Variants in WASL observed in about 807,000 individuals in gnomAD.
WASL encodes the protein actin nucleation-promoting factor WASL.
In WASL, 20 loss-of-function variants were observed where a neutral mutation model predicts 55.5. That is an observed-to-expected ratio of 0.36 (90% CI 0.25 to 0.52). The LOEUF is 0.52. Ranked by LOEUF, WASL falls within the 20% of genes least tolerant of loss-of-function variation. The pLI, the probability that WASL is intolerant of heterozygous loss-of-function variation, is 0.92. For missense variants in WASL, 504 were observed against 622.5 expected, an observed-to-expected ratio of 0.81 and a Z score of 2.03; for synonymous variants, 249 against 217.6, an observed-to-expected ratio of 1.14 and a Z score of -1.27.
intron 1 of WASL, among the ~76,000 whole-genome samples, chr7:123,713,634 T>C (rs764722419): frequency 3.9e-5 from 6 of 152,136 alleles, no homozygotes; most frequent in Non-Finnish European, 8.8e-5. Flanking sequence ...AAAACTAACA[T>C]GAGAAAATCC....
intron 1 of WASL, among the ~76,000 whole-genome samples, chr7:123,745,584 C>T (rs1413530733): frequency 6.6e-6 from 1 of 152,114 alleles, no homozygotes; most frequent in Non-Finnish European, 1.5e-5. Context: ...ACAACGTGGA[C>T]TTTAGCAGTG....
chr7:123,738,673 G>A (rs1242539738), intron 1 of WASL, among the ~76,000 whole-genome samples: 1 of 152,148 alleles, frequency 6.6e-6, no homozygotes, highest in African/African-American at 2.4e-5. Context: ...ACAACAGGTA[G>A]TTAGAAACCA....
chr7:123,694,885 C>T lies in WASL; in HGVS notation c.673-17G>A, dbSNP rs1445690066. On this transcript the variant is annotated splice_polypyrimidine_tract_variant and intron_variant, in intron 7 of 10. Coordinates refer to ENST00000223023, the MANE Select transcript of WASL (RefSeq NM_003941.4). ...ATTATTCAGCTACAAAAGAAAGTAA[C>T]TGCTAACTATAAAAATATATCCCAA... The T allele has an allele frequency of 6.3e-7, 1 of 1,590,580 alleles. No individual in the cohort carries two copies. Among genetic ancestry groups the T allele is most frequent in the African/African-American group, 1.4e-5 (1 of 73,080 alleles).
chr7:123,688,306 C>T (rs1353337637), intron 10 of WASL, among the ~76,000 whole-genome samples: 1 of 152,090 alleles, frequency 6.6e-6, no homozygotes, highest in African/African-American at 2.4e-5. Context: ...TACTGAAATT[C>T]TTATCCCTAA....
intron 10 of WASL, among the ~76,000 whole-genome samples, chr7:123,686,300 C>T (rs1271779369): frequency 6.6e-6 from 1 of 151,910 alleles, no homozygotes; most frequent in Non-Finnish European, 1.5e-5. Context: ...TTTCTGTTTA[C>T]TCTTCTAGCA....
chr7:123,742,306 T>C (rs1804356668), intron 1 of WASL, among the ~76,000 whole-genome samples: 1 of 152,356 alleles, frequency 6.6e-6, no homozygotes, highest in South Asian at 2.1e-4. Context: ...GTATGCTGTT[T>C]CAGGAATACA....
chr7:123,729,859 T>C (rs1804109799), intron 1 of WASL, among the ~76,000 whole-genome samples: 1 of 152,026 alleles, frequency 6.6e-6, no homozygotes, highest in African/African-American at 2.4e-5. Context: ...TAGGTCTTTC[T>C]CAAAAATAGG....
At chr7:123,685,406 A>G (rs1803270993) in intron 10 of WASL, among the ~76,000 whole-genome samples, 1 of 151,784 alleles carries the variant, frequency 6.6e-6, no homozygotes. Context: ...CCTTAAACTC[A>G]CCAATCTTAT....
chr7:123,746,945 G>T (rs565218397), intron 1 of WASL, among the ~76,000 whole-genome samples: 8 of 152,190 alleles, frequency 5.3e-5, no homozygotes, highest in Admixed American at 3.9e-4. Context: ...ACCAGCAACT[G>T]AATTTTTTTC....
At chr7:123,734,089 T>C (rs1400830773) in intron 1 of WASL, among the ~76,000 whole-genome samples, 2 of 151,636 alleles carry the variant, frequency 1.3e-5, no homozygotes, top group Non-Finnish European at 2.9e-5. Context: ...TTAGATACAA[T>C]ACCAAAAACA....
At chr7:123,704,737 G>T in intron 4 of WASL, 80 bp from the exon 5 acceptor site, 1 of 944,224 alleles carries the variant, frequency 1.1e-6, no homozygotes, top group Non-Finnish European at 1.5e-6. Flanking sequence ...TCACTAAACT[G>T]TCTTATTCCT....
chr7:123,723,167 C>T (rs1435517191), intron 1 of WASL, among the ~76,000 whole-genome samples: 5 of 152,092 alleles, frequency 3.3e-5, no homozygotes, highest in Non-Finnish European at 5.9e-5. Context: ...TTATTAAATG[C>T]TAATTATGAT....
chr7:123,733,397 A>G (rs1804172995), intron 1 of WASL, among the ~76,000 whole-genome samples: 1 of 152,154 alleles, frequency 6.6e-6, no homozygotes, highest in South Asian at 2.1e-4. Flanking sequence ...TTAAAAACAC[A>G]GCACCACCTA....
At chr7:123,728,759 G>A (rs1482662676) in intron 1 of WASL, among the ~76,000 whole-genome samples, 3 of 152,042 alleles carry the variant, frequency 2.0e-5, no homozygotes, top group East Asian at 3.9e-4. Flanking sequence ...TCGCTTGAAC[G>A]TGGGTGGCGG....
intron 5 of WASL, among the ~76,000 whole-genome samples, chr7:123,700,200 A>C (rs1187899555): frequency 6.0e-5 from 7 of 115,862 alleles, no homozygotes; most frequent in Non-Finnish European, 8.8e-5. Flanking sequence ...AAAAAAAAAA[A>C]AAAAAAACAA....
chr7:123,745,628 G>A (rs1804418610), intron 1 of WASL, among the ~76,000 whole-genome samples: 1 of 152,066 alleles, frequency 6.6e-6, no homozygotes, highest in South Asian at 2.1e-4. Flanking sequence ...AGAATTTTCT[G>A]TCAAGCTTGC....
intron 1 of WASL, among the ~76,000 whole-genome samples, chr7:123,748,117 T>C (rs772547435): frequency 7.9e-5 from 12 of 152,142 alleles, no homozygotes; most frequent in Non-Finnish European, 2.9e-5. Context: ...GCCCAGGCTC[T>C]TGCACTCGAC....
At chr7:123,743,998 C>T (rs1804390134) in intron 1 of WASL, among the ~76,000 whole-genome samples, 1 of 152,176 alleles carries the variant, frequency 6.6e-6, no homozygotes, top group Non-Finnish European at 1.5e-5. Context: ...TATTCCAAAT[C>T]CAGTGAATTT....
intron 1 of WASL, among the ~76,000 whole-genome samples, chr7:123,709,863 T>C (rs1803728788): frequency 6.6e-6 from 1 of 152,202 alleles, no homozygotes; most frequent in Non-Finnish European, 1.5e-5. Flanking sequence ...TTTGCACAAG[T>C]GGCCACGCAG....
Sources: allele counts gnomAD v4.1 joint callset (sites outside exome capture counted in the v4.1 genomes callset), GRCh38; gene constraint gnomAD v4.1.1; transcripts MANE v1.5; gene names NCBI Gene and HGNC (gene_info 2026-07-23, HGNC 2026-07-21).